The following PIK3R5 variants were observed in gnomAD, a reference collection of about 807,000 sequenced individuals.
The protein encoded by PIK3R5 is phosphoinositide 3-kinase regulatory subunit 5.
Under a neutral mutation model 94.9 loss-of-function variants are expected in PIK3R5, and 32 were observed. That is an observed-to-expected ratio of 0.34 (90% confidence interval 0.25 to 0.45). The LOEUF (loss-of-function observed/expected upper bound fraction) is 0.45, where lower values mean the gene tolerates loss of function less well. Ranked by LOEUF, PIK3R5 falls within the 20% of genes least tolerant of loss-of-function variation. The pLI is 1.00. For synonymous variants in PIK3R5, 443 were observed against 479.4 expected (o/e 0.92, Z 0.99); for missense variants, 853 against 1,144.6 (o/e 0.75, Z 3.68).
At position 8,888,562 on chromosome 17, in the gene PIK3R5, GGCTGCCAC is replaced by G; in HGVS notation, c.1217_1224del (p.Arg406ProfsTer18). On this transcript the variant is annotated frameshift_variant, in exon 10 of 19. Transcript: ENST00000447110. LOFTEE classifies it high-confidence loss of function. The surrounding 1 kb of genome is among the most constrained non-coding windows in gnomAD (Gnocchi z 7.8). ...GGCCTGCGGTGGCCTCGGCGTTCCT[GGCTGCCAC>G]GCCTCCAAGGCCACTCGGAGGAGCT... 6.2e-7 allele frequency: 1 copy of G among 1,612,176 alleles called. No homozygotes were observed. Among genetic ancestry groups the G allele is most frequent in the Non-Finnish European group, 8.5e-7 (1 of 1,179,774 alleles).
Position 8,904,699 on chromosome 17 carries a change from A to C in PIK3R5, c.412+78T>G. 1 of 1,489,888 alleles carries C rather than the reference A, an allele frequency of 6.7e-7. No homozygotes were observed. The highest frequency in any genetic ancestry group is 2.1e-4 in the Middle Eastern group (1 of 4,742). The allele number at this position is 1,489,888 out of a possible 1,614,324, so 92.3% of individuals were successfully genotyped here. A position where few individuals can be genotyped will look rare whatever the true frequency, so the allele number is the denominator to read the frequency against. The stretch of plus-strand genomic sequence containing the variant: ...AAGGATGCAAGGTAAGGAGGGTCAC[A>C]AAAAACAGTTTCAGAGGAGTTGGAA... On this transcript the variant is annotated intron_variant, in intron 5 of 18. Coordinates refer to ENST00000447110, the MANE Select transcript of PIK3R5 (RefSeq NM_001142633.3). This position sits in a 1 kb window ranked among gnomAD's most constrained non-coding sequence, Gnocchi z 5.1.
At position 8,947,758 on chromosome 17, in the gene PIK3R5, C is replaced by T. The variant is rs1046755400; in HGVS notation, c.-14+17838G>A. Reference sequence around the variant, plus strand: ...ATGAAAGCAAGCCTTAAGAAAAATACAGCAGCTGGGTGCGGTGGCTCATGC... The same window carrying T: ...ATGAAAGCAAGCCTTAAGAAAAATATAGCAGCTGGGTGCGGTGGCTCATGC... On this transcript the variant is annotated intron_variant, in intron 1 of 18. Coordinates refer to ENST00000447110, the MANE Select transcript of PIK3R5 (RefSeq NM_001142633.3). Among the ~76,000 whole-genome samples, 3 of 152,186 alleles carry T rather than the reference C, an allele frequency of 2.0e-5. No homozygotes were observed. In the South Asian group the frequency reaches 6.2e-4, roughly 32 times the overall value.
chr17:8,898,192 G>A (rs1178147022), intron 5 of PIK3R5, among the ~76,000 whole-genome samples: 2 of 152,186 alleles, frequency 1.3e-5, no homozygotes, highest in Non-Finnish European at 1.5e-5. Context: ...AAATCCAAAT[G>A]TCTGTGATCA....
intron 3 of PIK3R5, among the ~76,000 whole-genome samples, chr17:8,906,071 G>A (rs1351945269): frequency 1.3e-5 from 2 of 152,116 alleles, no homozygotes; most frequent in Non-Finnish European, 2.9e-5. Flanking sequence ...CATGTGCCAT[G>A]GTGGTTTGCT....
At position 8,893,588 on chromosome 17, in the gene PIK3R5, G is replaced by A. The variant is rs201891414; in HGVS notation, c.480C>T (p.Thr160=). The A allele has an allele frequency of 1.7e-5, 27 of 1,612,934 alleles. No individual in the cohort carries two copies. The highest frequency in any genetic ancestry group is 2.7e-5 in the African/African-American group (2 of 74,878). Residue 160 remains threonine, a splice_region_variant and synonymous_variant, in exon 6 of 19, where the codon ACC becomes ACT. Transcript: ENST00000447110. The surrounding 1 kb of genome is among the most constrained non-coding windows in gnomAD (Gnocchi z 5.1). ...GLPIRSHRSS[T]VTVLLLNPVE... The stretch of plus-strand genomic sequence containing the variant: ...CTCCGTCCCCCAAGAGCACTCACAC[G>A]GTGGAGCTGCGGTGACTCCTGATGG...
intron 1 of PIK3R5, among the ~76,000 whole-genome samples, chr17:8,918,281 C>T (rs2090668069): frequency 6.6e-6 from 1 of 152,084 alleles, no homozygotes; most frequent in African/African-American, 2.4e-5. Context: ...AGGATTGAAA[C>T]AGGAAATATA....
rs935792138 is a variant in PIK3R5 at position 8,880,577 on chromosome 17, C to T, written c.*62G>A. 2.0e-6 allele frequency: 3 copies of T among 1,487,748 alleles called. No individual in the cohort carries two copies. The highest frequency in any genetic ancestry group is 2.7e-6 in the Non-Finnish European group (3 of 1,109,354). The allele number at this position is 1,487,748 out of a possible 1,614,324, so 92.2% of individuals were successfully genotyped here. A position where few individuals can be genotyped will look rare whatever the true frequency, so the allele number is the denominator to read the frequency against. On this transcript the variant is annotated 3_prime_UTR_variant, in exon 19 of 19. Coordinates refer to ENST00000447110, the MANE Select transcript of PIK3R5 (RefSeq NM_001142633.3). ...TCAGTTCTCCACAGAGAGGGACTGT[C>T]CTGGAGGGGTGGCCGAGGAGGTTGC...
chr17:8,953,592 A>G (rs1270268872), intron 1 of PIK3R5, among the ~76,000 whole-genome samples: 1 of 152,212 alleles, frequency 6.6e-6, no homozygotes, highest in African/African-American at 2.4e-5. Context: ...AAATGGGTTC[A>G]GAGGATGGAT....
At chr17:8,962,925 C>A (rs1427713546) in intron 1 of PIK3R5, among the ~76,000 whole-genome samples, 3 of 152,206 alleles carry the variant, frequency 2.0e-5, no homozygotes, top group East Asian at 3.8e-4. Context: ...AAACACCTCT[C>A]CCTTGACTTG....
intron 1 of PIK3R5, among the ~76,000 whole-genome samples, chr17:8,961,062 T>C (rs1445757154): frequency 6.6e-6 from 1 of 151,742 alleles, no homozygotes; most frequent in Non-Finnish European, 1.5e-5. Context: ...GAAAGCACAA[T>C]GAAGAAGGAG....
chr17:8,888,462 C>A lies in PIK3R5; in HGVS notation c.1325G>T (p.Ser442Ile), dbSNP rs1390509506. The change falls in exon 10 of 19, where the codon AGC (serine) becomes ATC (isoleucine). Residue 442 changes from serine to isoleucine, a missense_variant. Physicochemically the swap from Ser to Ile is moderately radical, Grantham distance 142 (BLOSUM62 -2). Coordinates refer to ENST00000447110, the MANE Select transcript of PIK3R5 (RefSeq NM_001142633.3). The surrounding 1 kb of genome is among the most constrained non-coding windows in gnomAD (Gnocchi z 7.8). ...SQLVLRRDSR[S>I]LEGSSDTALP... ...GGCCGTGTCCGAGCTGCCCTCCAGG[C>A]TCCGAGAGTCCCTCCGCAGTACCAG... The A allele has an allele frequency of 1.3e-6, 2 of 1,600,006 alleles. No individual in the cohort carries two copies. The highest frequency in any genetic ancestry group is 1.7e-6 in the Non-Finnish European group (2 of 1,174,234).
intron 1 of PIK3R5, among the ~76,000 whole-genome samples, chr17:8,946,728 A>C (rs2151465515): frequency 6.6e-6 from 1 of 152,038 alleles, no homozygotes; most frequent in African/African-American, 2.4e-5. Context: ...ACAGCAGCAC[A>C]GCAGCCCACT....
intron 1 of PIK3R5, among the ~76,000 whole-genome samples, chr17:8,937,494 T>C (rs907418437): frequency 1.3e-4 from 20 of 152,248 alleles, no homozygotes; most frequent in African/African-American, 4.6e-4. Context: ...TCTAGTTTTA[T>C]GATTTTTCTT....
chr17:8,900,185 G>A (rs540447754), intron 5 of PIK3R5, among the ~76,000 whole-genome samples: 103 of 152,320 alleles, frequency 6.8e-4, no homozygotes, highest in African/African-American at 2.4e-3. Flanking sequence ...TAAGTTGCAA[G>A]AGATTTTTGT....
rs961220030 is a variant in PIK3R5 at position 8,892,900 on chromosome 17, G to C, written c.482+686C>G. On this transcript the variant is annotated intron_variant, in intron 6 of 18. Transcript: ENST00000447110. This position sits in a 1 kb window ranked among gnomAD's most constrained non-coding sequence, Gnocchi z 4.3. Reference sequence around the variant, plus strand: ...AAGGCCTGCAGAGGGTCCTCCTAATGGGCACCCCCTCTCTAGTGCTTTTCA... The same window carrying C: ...AAGGCCTGCAGAGGGTCCTCCTAATCGGCACCCCCTCTCTAGTGCTTTTCA... Among the ~76,000 whole-genome samples the C allele has an allele frequency of 1.3e-5, 2 of 152,140 alleles. No homozygotes were observed. The highest frequency in any genetic ancestry group is 4.8e-5 in the African/African-American group (2 of 41,434).
intron 1 of PIK3R5, among the ~76,000 whole-genome samples, chr17:8,936,424 C>A (rs1338523338): frequency 6.6e-6 from 1 of 152,204 alleles, no homozygotes; most frequent in Non-Finnish European, 1.5e-5. Context: ...TCATCCTACT[C>A]CCTCCAGCAT....
Position 8,890,659 on chromosome 17 carries a change from G to A in PIK3R5, c.657+79C>T, listed in dbSNP as rs1011786584. 3.9e-6 allele frequency: 5 copies of A among 1,281,738 alleles called. No homozygotes were observed. Among genetic ancestry groups the A allele is most frequent in the African/African-American group, 3.0e-5 (2 of 67,698 alleles). The allele number at this position is 1,281,738 out of a possible 1,614,324, so 79.4% of individuals were successfully genotyped here. ...GGAGACTAAGTGTACCCTGGAGACC[G>A]TGGCTGAGATGAAGCAGGGAGAGGG... On this transcript the variant is annotated intron_variant, in intron 7 of 18. Coordinates refer to ENST00000447110, the MANE Select transcript of PIK3R5 (RefSeq NM_001142633.3). This position sits in a 1 kb window ranked among gnomAD's most constrained non-coding sequence, Gnocchi z 6.1.
intron 1 of PIK3R5, chr17:8,915,790 T>C (rs2090618679): frequency 6.6e-6 from 1 of 152,314 alleles, no homozygotes; most frequent in African/African-American, 2.4e-5. Context: ...TGCAAATGAA[T>C]GTTCTCAGCC....
At chr17:8,962,697 A>AACAGT (rs1261478562) in intron 1 of PIK3R5, among the ~76,000 whole-genome samples, 1 of 152,270 alleles carries the variant, frequency 6.6e-6, no homozygotes, top group Non-Finnish European at 1.5e-5. Context: ...AGATGCCATA[A>AACAGT]ACAGTAAAAT....
Sources: gnomAD v4.1 joint callset for allele counts (sites outside exome capture counted in the v4.1 genomes callset) on GRCh38, gnomAD v4.1.1 for gene constraint, Gnocchi (gnomAD v3.1) non-coding constraint, MANE v1.5 for transcripts, NCBI Gene and HGNC (gene_info 2026-07-23, HGNC 2026-07-21) for gene names.